Variants in COL28A1 observed in about 807,000 individuals in gnomAD.
The protein encoded by COL28A1 is collagen type XXVIII alpha 1 chain, also known as collagen alpha-1(XXVIII) chain.
In COL28A1, 161 loss-of-function variants were observed where a neutral mutation model predicts 150.2. That is an observed-to-expected ratio of 1.07 (90% CI 0.94 to 1.22). The LOEUF (loss-of-function observed/expected upper bound fraction) is 1.22. Among genes scored for constraint, COL28A1 ranks in the 50% most tolerant of loss-of-function variants. The pLI, the probability that COL28A1 is intolerant of heterozygous loss-of-function variation, is 0.00. For synonymous variants in COL28A1, 552 were observed against 469.7 expected (o/e 1.18, Z -2.26); for missense variants, 1,617 against 1,388.3 (o/e 1.16, Z -2.62).
intron 22 of COL28A1, 60 bp downstream of exon 22, chr7:7,437,334 T>C (rs1271342797): frequency 6.4e-7 from 1 of 1,550,410 alleles, no homozygotes; most frequent in African/African-American, 1.4e-5. Flanking sequence ...GTATCATGAT[T>C]TTTTTTTCTC....
intron 13 of COL28A1, among the ~76,000 whole-genome samples, chr7:7,482,970 C>G (rs2128361786): frequency 6.6e-6 from 1 of 152,240 alleles, no homozygotes; most frequent in South Asian, 2.1e-4. Flanking sequence ...GGAACAGCAG[C>G]AAAGACTTTG....
intron 30 of COL28A1, among the ~76,000 whole-genome samples, chr7:7,375,793 C>A (rs910975686): frequency 2.0e-5 from 3 of 152,124 alleles, no homozygotes; most frequent in Admixed American, 6.5e-5. Context: ...TGTCTCAGGG[C>A]TATGGTATGG....
chr7:7,380,137 G>C lies in COL28A1; in HGVS notation c.2322+523C>G, dbSNP rs183688568. Among the ~76,000 whole-genome samples the C allele has an allele frequency of 4.2e-3, 637 of 152,194 alleles. 5 individuals are homozygous for C. Among genetic ancestry groups the C allele is most frequent in the African/African-American group, 0.014 (600 of 41,536 alleles). On this transcript the variant is annotated intron_variant, in intron 30 of 34. Transcript: ENST00000399429. ...CCTTCCACTCATGAGACTTTAAAGA[G>C]TCAGTTTTCTGTTCTTAATGGTGTG...
intron 25 of COL28A1, among the ~76,000 whole-genome samples, chr7:7,420,770 A>G (rs1383894875): frequency 6.6e-6 from 1 of 152,256 alleles, no homozygotes; most frequent in Non-Finnish European, 1.5e-5. Context: ...GATTTTTACC[A>G]CAGAATAGGC....
intron 33 of COL28A1, among the ~76,000 whole-genome samples, chr7:7,363,009 G>A (rs1331074452): frequency 6.6e-6 from 1 of 151,964 alleles, no homozygotes; most frequent in Non-Finnish European, 1.5e-5. Flanking sequence ...AGCTATAAAT[G>A]ATTAAGAAAC....
intron 34 of COL28A1, among the ~76,000 whole-genome samples, chr7:7,359,985 T>C (rs1300401767): frequency 3.3e-5 from 5 of 152,194 alleles, no homozygotes; most frequent in African/African-American, 9.7e-5. Context: ...AATCAGAATC[T>C]AGATTTTCGC....
In COL28A1 at chr7:7,360,415, G is replaced by A; in HGVS notation, c.3180C>T (p.Leu1060=). The A allele has an allele frequency of 1.2e-6, 2 of 1,603,352 alleles. No individual in the cohort carries two copies. The highest frequency in any genetic ancestry group is 8.5e-7 in the Non-Finnish European group (1 of 1,177,066). Residue 1060 remains leucine, a synonymous_variant, in exon 34 of 35, where the codon CTC becomes CTT. Coordinates refer to ENST00000399429, the MANE Select transcript of COL28A1 (RefSeq NM_001037763.3). The part of the protein sequence containing the change: ...SEATTTPRPL[L]STPVDGAEDP... ...CCTCTGCCCCATCCACAGGGGTGCT[G>A]AGCAGTGGCCTGGGGGTGGTGGTGG... is the stretch of plus-strand genomic sequence containing the variant.
rs534981967 is a variant in COL28A1, at chr7:7,491,821, C to T, written c.1027-1175G>A. On this transcript the variant is annotated intron_variant, in intron 11 of 34. Coordinates refer to ENST00000399429, the MANE Select transcript of COL28A1 (RefSeq NM_001037763.3). The stretch of plus-strand genomic sequence containing the variant: ...GGAGTGGCTATTGACCCCAATTACC[C>T]ATTTCATAATATTATTTTTTTCTGT... 5.9e-5 allele frequency among the ~76,000 whole-genome samples: 9 copies of T among 152,322 alleles called. No homozygotes were observed. In the South Asian group the frequency reaches 1.9e-3, roughly 32 times the overall value.
chr7:7,444,521 A>G (rs2128323416), intron 18 of COL28A1, 32 bp from the exon 19 acceptor site: 1 of 1,602,354 alleles, frequency 6.2e-7, no homozygotes, highest in East Asian at 2.2e-5. Context: ...TATTTCCCTA[A>G]AGTTCATACC....
chr7:7,508,491 A>G (rs1046521057), intron 9 of COL28A1, among the ~76,000 whole-genome samples: 1 of 152,230 alleles, frequency 6.6e-6, no homozygotes, highest in Non-Finnish European at 1.5e-5. Context: ...CTCATGCCAT[A>G]TATAGAAATA....
chr7:7,354,149 T>C (rs1780295857), downstream of COL28A1, among the ~76,000 whole-genome samples: 1 of 151,940 alleles, frequency 6.6e-6, no homozygotes. Context: ...CCCATCATGA[T>C]GTATGGCTAA....
chr7:7,496,704 C>T (rs934553047), intron 11 of COL28A1, among the ~76,000 whole-genome samples: 1 of 152,162 alleles, frequency 6.6e-6, no homozygotes, highest in African/African-American at 2.4e-5. Context: ...TTATCCAAGA[C>T]TGAATTATTT....
chr7:7,500,283 T>G (rs1397504733), intron 11 of COL28A1, among the ~76,000 whole-genome samples: 1 of 152,226 alleles, frequency 6.6e-6, no homozygotes, highest in Non-Finnish European at 1.5e-5. Flanking sequence ...ATGATACTGT[T>G]GACCACTCAT....
At chr7:7,348,279 G>A in the COL28A1 span, among the ~76,000 whole-genome samples, 2 of 152,156 alleles carry the variant, frequency 1.3e-5, no homozygotes, top group East Asian at 3.9e-4. Context: ...CGTAGTGTAA[G>A]GGGGAGGTGA....
rs541958382 is a variant in COL28A1 at position 7,500,928 on chromosome 7, C to T, written c.1026+5086G>A. ...TAAATATATCATGTACTACCCTCAT[C>T]GCCCTCACTGCAACGAACTCCTCTT... On this transcript the variant is annotated intron_variant, in intron 11 of 34. Transcript: ENST00000399429. Among the ~76,000 whole-genome samples the T allele has an allele frequency of 3.5e-4, 53 of 152,284 alleles. No individual in the cohort carries two copies. The South Asian group carries it at 9.7e-3, about 28-fold the overall frequency.
Position 7,373,458 on chromosome 7 carries a change from G to A in COL28A1, c.2448C>T (p.Ile816=), listed in dbSNP as rs1181427045. 1 of 1,614,112 alleles carries A rather than the reference G, an allele frequency of 6.2e-7. No homozygotes were observed. The highest frequency in any genetic ancestry group is 1.1e-5 in the South Asian group (1 of 91,084). ...SESVGPENFQ[I]IKNFVKTMAD... ...CCATAGTCTTCACAAAATTTTTAAT[G>A]ATCTGAAAGTTCTCTGGCCCCACGC... Residue 816 remains isoleucine (I), a synonymous_variant, in exon 32 of 35, where the codon ATC becomes ATT. Transcript: ENST00000399429. The surrounding 1 kb of genome is among the most constrained non-coding windows in gnomAD (Gnocchi z 4.1).
At chr7:7,437,710 T>C (rs999193386) in intron 21 of COL28A1, among the ~76,000 whole-genome samples, 9 of 152,338 alleles carry the variant, frequency 5.9e-5, no homozygotes, top group Admixed American at 2.0e-4. Context: ...TTTTATCTCT[T>C]GTGCAGCCTC....
intron 27 of COL28A1, among the ~76,000 whole-genome samples, chr7:7,407,485 A>C (rs1484323501): frequency 6.6e-6 from 1 of 152,160 alleles, no homozygotes; most frequent in Non-Finnish European, 1.5e-5. Context: ...GAATAGACTG[A>C]CAGATAACTT....
chr7:7,502,362 T>C (rs564461226), intron 11 of COL28A1, among the ~76,000 whole-genome samples: 1 of 152,336 alleles, frequency 6.6e-6, no homozygotes, highest in East Asian at 1.9e-4. Context: ...AAAGTATTAT[T>C]GACAGAAATA....
Sources: gnomAD v4.1 joint callset for allele counts (sites outside exome capture counted in the v4.1 genomes callset) on GRCh38, gnomAD v4.1.1 for gene constraint, Gnocchi (gnomAD v3.1) non-coding constraint, MANE v1.5 for transcripts, NCBI Gene and HGNC (gene_info 2026-07-23, HGNC 2026-07-21) for gene names.